DCLK2: variants seen among roughly 807,000 people sequenced by gnomAD.
DCLK2 encodes the protein serine/threonine-protein kinase DCLK2.
A neutral mutation model predicts 78.4 loss-of-function variants in DCLK2; 31 were observed. The observed-to-expected ratio is 0.40, with a 90% confidence interval of 0.30 to 0.53. DCLK2 has a LOEUF of 0.53. DCLK2 is among the 20% of genes least tolerant of loss of function. The pLI, the probability that DCLK2 is intolerant of heterozygous loss-of-function variation, is 0.61. For missense variants in DCLK2, 872 were observed against 973.7 expected (o/e 0.90, Z 1.39); for synonymous variants, 407 against 374.9 (o/e 1.09, Z -0.99).
chr4:150,148,453 A>T (rs1476786936), intron 2 of DCLK2, among the ~76,000 whole-genome samples: 1 of 151,850 alleles, frequency 6.6e-6, no homozygotes. Flanking sequence ...GTGGCTGTTA[A>T]TAGGTGTGAT....
intron 5 of DCLK2, 58 bp downstream of exon 5, chr4:150,203,947 T>G: frequency 6.6e-7 from 1 of 1,511,600 alleles, no homozygotes; most frequent in Non-Finnish European, 9.1e-7. Flanking sequence ...GTTTCATAGT[T>G]TAGCAGTTTA....
intron 15 of DCLK2, among the ~76,000 whole-genome samples, chr4:150,252,961 T>C (rs974942765): frequency 1.3e-5 from 2 of 152,130 alleles, no homozygotes; most frequent in Non-Finnish European, 2.9e-5. Context: ...CCTGTGACTT[T>C]TGGGCTGTCC....
intron 2 of DCLK2, among the ~76,000 whole-genome samples, chr4:150,148,738 T>C (rs28366470): frequency 0.3 from 45,139 of 151,772 alleles, 6,820 homozygotes; most frequent in East Asian, 0.34. Flanking sequence ...TTGAGTTCTT[T>C]GAAATAAGTG....
intron 2 of DCLK2, among the ~76,000 whole-genome samples, chr4:150,132,408 T>C (rs540597349): frequency 6.6e-6 from 1 of 152,356 alleles, no homozygotes; most frequent in Non-Finnish European, 1.5e-5. Context: ...GAATGCAGTG[T>C]AGAGAGGTTT....
intron 2 of DCLK2, among the ~76,000 whole-genome samples, chr4:150,123,160 A>C (rs961159346): frequency 1.3e-5 from 2 of 152,140 alleles, no homozygotes; most frequent in Non-Finnish European, 2.9e-5. Flanking sequence ...TCATAACTCA[A>C]CTGTTTGGGG....
chr4:150,095,813 G>A (rs1267628189), intron 1 of DCLK2, among the ~76,000 whole-genome samples: 4 of 152,184 alleles, frequency 2.6e-5, no homozygotes, highest in African/African-American at 9.6e-5. Flanking sequence ...ATCTTGAAGG[G>A]TCAGTGGAAG....
At chr4:150,168,940 T>C (rs1736303342) in intron 2 of DCLK2, among the ~76,000 whole-genome samples, 1 of 152,292 alleles carries the variant, frequency 6.6e-6, no homozygotes, top group African/African-American at 2.4e-5. Flanking sequence ...GGAGATGCAG[T>C]GTTTAATAGA....
chr4:150,104,880 C>T (rs77265292), intron 2 of DCLK2, among the ~76,000 whole-genome samples: 6,184 of 152,076 alleles, frequency 0.041, 432 homozygotes, highest in African/African-American at 0.14. Context: ...CTGATGATGG[C>T]GCCAGTATTC....
At chr4:150,138,924 A>G (rs564684840) in intron 2 of DCLK2, among the ~76,000 whole-genome samples, 2 of 152,128 alleles carry the variant, frequency 1.3e-5, no homozygotes, top group East Asian at 3.9e-4. Context: ...TTGGCCTCCC[A>G]AAGTGCTGGG....
chr4:150,092,168 CA>C (rs2150140595), intron 1 of DCLK2, among the ~76,000 whole-genome samples: 1 of 152,228 alleles, frequency 6.6e-6, no homozygotes, highest in Non-Finnish European at 1.5e-5. Context: ...AATAATATCT[CA>C]TTGTATGTAT....
intron 2 of DCLK2, among the ~76,000 whole-genome samples, chr4:150,147,456 T>C (rs894763169): frequency 3.3e-5 from 5 of 150,670 alleles, no homozygotes; most frequent in African/African-American, 1.2e-4. Context: ...ATCATTTATT[T>C]CTATATCATT....
At chr4:150,225,006 C>T (rs2126543909) in intron 8 of DCLK2, among the ~76,000 whole-genome samples, 1 of 152,282 alleles carries the variant, frequency 6.6e-6, no homozygotes, top group African/African-American at 2.4e-5. Context: ...CCCTTAACTC[C>T]CAAGTCCCAT....
At chr4:150,187,076 ATG>A (rs1207800773) in intron 2 of DCLK2, among the ~76,000 whole-genome samples, 1 of 152,216 alleles carries the variant, frequency 6.6e-6, no homozygotes, top group African/African-American at 2.4e-5. Context: ...TATCTAAAAA[ATG>A]TTCGTATTTT....
chr4:150,128,916 G>A (rs1033100551), intron 2 of DCLK2, among the ~76,000 whole-genome samples: 4 of 152,126 alleles, frequency 2.6e-5, no homozygotes, highest in African/African-American at 9.7e-5. Context: ...TGTGCTTTTT[G>A]TTATCAAACT....
chr4:150,141,494 C>A (rs1008723344), intron 2 of DCLK2, among the ~76,000 whole-genome samples: 18 of 152,246 alleles, frequency 1.2e-4, no homozygotes, highest in African/African-American at 4.1e-4. Context: ...AGATGGAAAC[C>A]ATTCCAAAGG....
rs572090504 is a variant in DCLK2 at position 150,190,320 on chromosome 4, C to T, written c.757-2818C>T. 7.9e-5 allele frequency among the ~76,000 whole-genome samples: 12 copies of T among 151,842 alleles called. No homozygotes were observed. In the South Asian group the frequency reaches 2.1e-3, roughly 26 times the overall value. On this transcript the variant is annotated intron_variant, in intron 2 of 15. Coordinates refer to ENST00000296550, the MANE Select transcript of DCLK2 (RefSeq NM_001040260.4). ...ATAGGCAGACAGACAGACAGACGGA[C>T]GGATAGATGTCAGAAAGGCCTGGGA...
chr4:150,201,412 G>T (rs1279034684), intron 4 of DCLK2, among the ~76,000 whole-genome samples: 1 of 152,190 alleles, frequency 6.6e-6, no homozygotes, highest in African/African-American at 2.4e-5. Context: ...GAAATGTGCA[G>T]ATAAGTGAAA....
Position 150,232,679 on chromosome 4 carries a change from T to C in DCLK2, c.1420-3T>C, listed in dbSNP as rs772760859. 7 of 1,613,706 alleles carry C rather than the reference T, an allele frequency of 4.3e-6. No homozygotes were observed. Among genetic ancestry groups the C allele is most frequent in the Non-Finnish European group, 5.9e-6 (7 of 1,179,754 alleles). ...TTGATATGTTCTTTTATGTATCGTT[T>C]AGGGTGGAGATCTCTTTGATGCAAT... is the stretch of plus-strand genomic sequence containing the variant. On this transcript the variant is annotated splice_region_variant and splice_polypyrimidine_tract_variant and intron_variant, in intron 9 of 15. Coordinates refer to ENST00000296550, the MANE Select transcript of DCLK2 (RefSeq NM_001040260.4).
intron 2 of DCLK2, among the ~76,000 whole-genome samples, chr4:150,159,045 C>T (rs555612052): frequency 5.9e-5 from 9 of 152,086 alleles, no homozygotes; most frequent in East Asian, 3.9e-4. Context: ...ATGTTGAATA[C>T]GATTTTGCTG....
Sources: allele counts gnomAD v4.1 joint callset (sites outside exome capture counted in the v4.1 genomes callset), GRCh38; gene constraint gnomAD v4.1.1; transcripts MANE v1.5; gene names NCBI Gene and HGNC (gene_info 2026-07-23, HGNC 2026-07-21).